The following TOX2 variants were observed in gnomAD, a reference collection of about 807,000 sequenced individuals.
TOX2 encodes the protein granulosa cell HMG box 1.
In TOX2, 15 loss-of-function variants were observed where a neutral mutation model predicts 47.4. The ratio of observed to expected loss-of-function variants is 0.32; its 90% CI spans 0.21 to 0.49. The LOEUF is 0.49. Ranked by LOEUF, TOX2 falls within the 20% of genes least tolerant of loss-of-function variation. The pLI, the probability that TOX2 is intolerant of heterozygous loss-of-function variation, is 0.99. For missense variants in TOX2, 622 were observed against 673.1 expected, an observed-to-expected ratio of 0.92 and a Z score of 0.84; for synonymous variants, 290 against 296.6, an observed-to-expected ratio of 0.98 and a Z score of 0.23.
chr20:43,944,764 A>G (rs1311983332), intron 1 of TOX2, among the ~76,000 whole-genome samples: 1 of 152,226 alleles, frequency 6.6e-6, no homozygotes, highest in Non-Finnish European at 1.5e-5. Context: ...AAATGTCCAA[A>G]AAATTAAAAT....
chr20:44,050,856 CAA>C (rs1173351216), intron 3 of TOX2, among the ~76,000 whole-genome samples: 1 of 152,156 alleles, frequency 6.6e-6, no homozygotes, highest in Non-Finnish European at 1.5e-5. Context: ...GTAACTTGGC[CAA>C]AGTCACCCAG....
intron 1 of TOX2, among the ~76,000 whole-genome samples, chr20:43,961,574 AG>A (rs2069757969): frequency 7.0e-6 from 1 of 143,300 alleles, no homozygotes; most frequent in Non-Finnish European, 1.5e-5. Flanking sequence ...GAATGAGGGA[AG>A]GGAAGATGGT....
At chr20:44,055,356 G>A (rs1248974142) in intron 5 of TOX2, among the ~76,000 whole-genome samples, 1 of 152,238 alleles carries the variant, frequency 6.6e-6, no homozygotes, top group Non-Finnish European at 1.5e-5. Context: ...GACGGACATT[G>A]TCCCAGGGGT....
rs1179152205 is a variant in TOX2 at position 43,994,997 on chromosome 20, TAA to T, written c.166-11548_166-11547del. Among the ~76,000 whole-genome samples, 4 of 152,238 alleles carry T rather than the reference TAA, an allele frequency of 2.6e-5. No individual in the cohort carries two copies. The South Asian group carries it at 8.3e-4, about 32-fold the overall frequency. ...TCGGCTTGGAGGTTCTGCCTGTAGA[TAA>T]AGGCTGAGAAAAGATATTACATTCC... On this transcript the variant is annotated intron_variant, in intron 2 of 8. Transcript: ENST00000341197.
chr20:43,948,977 G>A (rs2145375847), intron 1 of TOX2, among the ~76,000 whole-genome samples: 1 of 152,280 alleles, frequency 6.6e-6, no homozygotes, highest in East Asian at 1.9e-4. Flanking sequence ...AAGAGCAATT[G>A]AGGCCATGGG....
intron 5 of TOX2, among the ~76,000 whole-genome samples, chr20:44,061,393 T>C (rs969944261): frequency 6.6e-6 from 1 of 151,954 alleles, no homozygotes; most frequent in Non-Finnish European, 1.5e-5. Flanking sequence ...GGAAAGGACA[T>C]AACAACAACA....
At chr20:44,011,478 C>A (rs992902135) in intron 3 of TOX2, among the ~76,000 whole-genome samples, 15 of 152,202 alleles carry the variant, frequency 9.9e-5, no homozygotes, top group Non-Finnish European at 4.4e-5. Context: ...GGGGTTATCA[C>A]TTCCTAGAGG....
chr20:43,945,987 G>C, intron 1 of TOX2: 1 of 1,614,116 alleles, frequency 6.2e-7, no homozygotes, highest in Non-Finnish European at 8.5e-7. Flanking sequence ...TGAGACTCGG[G>C]CTCCTTCTAC....
chr20:43,977,863 C>A (rs1336041235), intron 2 of TOX2, among the ~76,000 whole-genome samples: 1 of 152,232 alleles, frequency 6.6e-6, no homozygotes, highest in Non-Finnish European at 1.5e-5. Flanking sequence ...ATGGATATTT[C>A]CTGATGATGT....
At chr20:44,061,655 G>T (rs527919739) in intron 5 of TOX2, among the ~76,000 whole-genome samples, 2 of 151,986 alleles carry the variant, frequency 1.3e-5, no homozygotes, top group Admixed American at 6.6e-5. Flanking sequence ...ATCCAAATCT[G>T]TAAAGAGGAA....
chr20:43,932,901 C>T (rs1209898247), intron 1 of TOX2, among the ~76,000 whole-genome samples: 1 of 152,304 alleles, frequency 6.6e-6, no homozygotes, highest in Non-Finnish European at 1.5e-5. Context: ...GCCCCTCTTT[C>T]TAACACCTTC....
chr20:44,005,415 T>G (rs1251812985), intron 2 of TOX2, among the ~76,000 whole-genome samples: 1 of 152,186 alleles, frequency 6.6e-6, no homozygotes, highest in East Asian at 1.9e-4. Context: ...AGTGTAGAAA[T>G]GGAAGAATGA....
intron 1 of TOX2, among the ~76,000 whole-genome samples, chr20:43,968,079 T>C (rs2069891441): frequency 6.6e-6 from 1 of 152,212 alleles, no homozygotes; most frequent in Non-Finnish European, 1.5e-5. Context: ...CACCCATCTA[T>C]TCATTCACCC....
At chr20:44,051,869 C>T (rs868796823) in intron 4 of TOX2, among the ~76,000 whole-genome samples, 4 of 152,186 alleles carry the variant, frequency 2.6e-5, no homozygotes, top group African/African-American at 9.7e-5. Context: ...AAGTGCTGAG[C>T]GTCCTTGACA....
intron 3 of TOX2, among the ~76,000 whole-genome samples, chr20:44,008,695 C>G (rs1056766595): frequency 4.6e-5 from 7 of 152,222 alleles, no homozygotes; most frequent in Non-Finnish European, 1.0e-4. Context: ...ACAACTGTGA[C>G]TTGTGTTTAT....
At chr20:43,997,852 AT>A (rs763149297) in intron 2 of TOX2, among the ~76,000 whole-genome samples, 14 of 152,106 alleles carry the variant, frequency 9.2e-5, no homozygotes, top group Non-Finnish European at 1.5e-4. Flanking sequence ...TACTTAGATG[AT>A]TGCTCTTAAA....
intron 2 of TOX2, among the ~76,000 whole-genome samples, chr20:43,977,871 T>C (rs776948229): frequency 7.2e-5 from 11 of 152,126 alleles, no homozygotes; most frequent in Admixed American, 5.2e-4. Flanking sequence ...TTCCTGATGA[T>C]GTGACCCAGA....
Position 43,955,276 on chromosome 20 carries a change from A to C in TOX2, c.100-18091A>C, listed in dbSNP as rs2069648070. On this transcript the variant is annotated intron_variant, in intron 1 of 8. Transcript: ENST00000341197. ...TGAGAGCTGTGGATCTGTGCATGTG[A>C]GTAGCTGCTGAAAACCCTCCTGGGT... 6 of 985,342 alleles carry C rather than the reference A, an allele frequency of 6.1e-6. No homozygotes were observed. The South Asian group carries it at 2.3e-4, about 39-fold the overall frequency. The allele number at this position is 985,342 out of a possible 1,614,324, so 61.0% of individuals were successfully genotyped here.
chr20:44,023,033 G>A (rs2070999995), intron 3 of TOX2, among the ~76,000 whole-genome samples: 1 of 150,370 alleles, frequency 6.7e-6, no homozygotes, highest in African/African-American at 2.5e-5. Context: ...AGAGGAGGGG[G>A]GAAGCTTCAG....
Sources: allele counts gnomAD v4.1 joint callset (sites outside exome capture counted in the v4.1 genomes callset), GRCh38; gene constraint gnomAD v4.1.1; transcripts MANE v1.5; gene names NCBI Gene and HGNC (gene_info 2026-07-23, HGNC 2026-07-21).